SETD7: variants seen among roughly 807,000 people sequenced by gnomAD.
SETD7 encodes the protein SET domain containing 7, histone lysine methyltransferase.
In SETD7, 16 loss-of-function variants were observed where a neutral mutation model predicts 41.8. The ratio of observed to expected loss-of-function variants is 0.38; its 90% CI spans 0.26 to 0.58. SETD7 has a LOEUF of 0.58. Ranked by LOEUF, SETD7 falls within the 20% of genes least tolerant of loss-of-function variation. The pLI is 0.64. For synonymous variants in SETD7, 163 were observed against 169.7 expected (o/e 0.96, Z 0.31); for missense variants, 346 against 459.7 (o/e 0.75, Z 2.26).
intron 1 of SETD7, among the ~76,000 whole-genome samples, chr4:139,551,977 T>C (rs1244914432): frequency 1.3e-5 from 2 of 152,256 alleles, no homozygotes; most frequent in African/African-American, 4.8e-5. Context: ...ACTTGATGTT[T>C]TGATCTTTTT....
rs919195424 is a variant in SETD7 at position 139,506,735 on chromosome 4, G to A, written c.*4928C>T. On this transcript the variant is annotated 3_prime_UTR_variant, in exon 8 of 8. Coordinates refer to ENST00000274031, the MANE Select transcript of SETD7 (RefSeq NM_030648.4). ...CACTCAAGTTGAATATCATCATAAA[G>A]GAGTTTTTGTTTGTTTGTTTTTTCA... The A allele has an allele frequency of 1.3e-5, 2 of 152,606 alleles. No individual in the cohort carries two copies. The highest frequency in any genetic ancestry group is 4.8e-5 in the African/African-American group (2 of 41,448). The allele number at this position is 152,606 out of a possible 1,614,324, so 9.5% of individuals were successfully genotyped here.
intron 7 of SETD7, among the ~76,000 whole-genome samples, chr4:139,498,573 G>T (rs1726510161): frequency 6.6e-6 from 1 of 152,096 alleles, no homozygotes; most frequent in African/African-American, 2.4e-5. Flanking sequence ...CCTCCTCTTG[G>T]GAACTGTGAA....
chr4:139,536,648 G>A (rs1727644852), intron 2 of SETD7, among the ~76,000 whole-genome samples: 1 of 152,010 alleles, frequency 6.6e-6, no homozygotes, highest in African/African-American at 2.4e-5. Flanking sequence ...GGAGGCAGAG[G>A]TTGCAGTGAG....
chr4:139,526,986 C>T (rs543424741), intron 4 of SETD7, among the ~76,000 whole-genome samples: 21 of 152,214 alleles, frequency 1.4e-4, no homozygotes, highest in Admixed American at 9.8e-4. Context: ...TTCAAATATA[C>T]GACATGCATC....
At chr4:139,493,350 C>A (rs1726390161), downstream of SETD7, among the ~76,000 whole-genome samples, 1 of 152,060 alleles carries the variant, frequency 6.6e-6, no homozygotes, top group African/African-American at 2.4e-5. Flanking sequence ...AGGCCTGGAT[C>A]CAGGAAAACG....
At position 139,506,644 on chromosome 4, in the gene SETD7, A is replaced by G. The variant is rs1033769664; in HGVS notation, c.*5019T>C. 5 of 152,642 alleles carry G rather than the reference A, an allele frequency of 3.3e-5. No individual in the cohort carries two copies. The highest frequency in any genetic ancestry group is 1.2e-4 in the African/African-American group (5 of 41,458). The allele number at this position is 152,642 out of a possible 1,614,324, so 9.5% of individuals were successfully genotyped here. A position where few individuals can be genotyped will look rare whatever the true frequency, so the allele number is the denominator to read the frequency against. On this transcript the variant is annotated 3_prime_UTR_variant, in exon 8 of 8. Coordinates refer to ENST00000274031, the MANE Select transcript of SETD7 (RefSeq NM_030648.4). ...ATGTGTGTTCGTATTGCTACTATAC[A>G]CAGTGAAAATTTATCCTAATATGTA...
downstream of SETD7, among the ~76,000 whole-genome samples, chr4:139,501,677 C>G (rs1445073475): frequency 6.6e-6 from 1 of 152,090 alleles, no homozygotes; most frequent in Non-Finnish European, 1.5e-5. Context: ...CATCACATGC[C>G]TAGAAAGTGC....
chr4:139,525,050 C>T (rs561031138), intron 4 of SETD7, among the ~76,000 whole-genome samples: 47 of 152,328 alleles, frequency 3.1e-4, no homozygotes, highest in East Asian at 7.7e-4. Flanking sequence ...CTCCTGACCT[C>T]TAGTGATCCA....
intron 4 of SETD7, 63 bp from the exon 5 acceptor site, chr4:139,523,498 C>T: frequency 8.4e-7 from 1 of 1,193,148 alleles, no homozygotes; most frequent in African/African-American, 1.5e-5. Flanking sequence ...TATAACACTT[C>T]TCTCTATTCA....
At chr4:139,529,010 T>G in intron 4 of SETD7, 21 bp downstream of exon 4, 1 of 1,609,654 alleles carries the variant, frequency 6.2e-7, no homozygotes, top group East Asian at 2.2e-5. Flanking sequence ...GAGCAACCCA[T>G]CTGAAGCAGA....
chr4:139,551,043 A>G (rs1728096102), intron 1 of SETD7, among the ~76,000 whole-genome samples: 1 of 152,222 alleles, frequency 6.6e-6, no homozygotes, highest in Non-Finnish European at 1.5e-5. Context: ...AAAAGGTAGG[A>G]ACCCCCAGGT....
chr4:139,551,574 A>G (rs532711863), intron 1 of SETD7, among the ~76,000 whole-genome samples: 3 of 152,198 alleles, frequency 2.0e-5, no homozygotes, highest in African/African-American at 7.2e-5. Flanking sequence ...CAATCTCAGC[A>G]AAGTAAATTC....
At chr4:139,544,379 A>T (rs1490264071) in intron 2 of SETD7, among the ~76,000 whole-genome samples, 1 of 151,918 alleles carries the variant, frequency 6.6e-6, no homozygotes, top group Non-Finnish European at 1.5e-5. Context: ...AAAATCAATG[A>T]ATGTATTTCT....
downstream of SETD7, among the ~76,000 whole-genome samples, chr4:139,501,627 T>G (rs1579195180): frequency 6.6e-6 from 1 of 151,628 alleles, no homozygotes; most frequent in South Asian, 2.1e-4. Flanking sequence ...CCCAAATAAA[T>G]AAATAAATAA....
chr4:139,553,297 T>C (rs1430715445), intron 1 of SETD7, among the ~76,000 whole-genome samples: 1 of 152,222 alleles, frequency 6.6e-6, no homozygotes, highest in Non-Finnish European at 1.5e-5. Flanking sequence ...AAATCTCTAA[T>C]GAAGAAGAAA....
At chr4:139,519,643 T>C (rs945124537) in intron 6 of SETD7, among the ~76,000 whole-genome samples, 4 of 152,246 alleles carry the variant, frequency 2.6e-5, no homozygotes, top group African/African-American at 4.8e-5. Context: ...AAATGTGGAA[T>C]ATTAGCCATA....
chr4:139,497,313 G>A (rs990534624), intron 7 of SETD7, among the ~76,000 whole-genome samples: 31 of 152,010 alleles, frequency 2.0e-4, no homozygotes, highest in African/African-American at 7.2e-4. Flanking sequence ...AAATTAGATG[G>A]GCATGGTGGC....
rs1726840734 is a variant in SETD7 at position 139,510,546 on chromosome 4, G to A, written c.*1117C>T. Reference sequence around the variant, plus strand: ...ATGTTTTGAAGCAGGTAAGTGCTTTGAAATTACAATGATGAAGAGTTTTAG... The same window carrying A: ...ATGTTTTGAAGCAGGTAAGTGCTTTAAAATTACAATGATGAAGAGTTTTAG... On this transcript the variant is annotated 3_prime_UTR_variant, in exon 8 of 8. Transcript: ENST00000274031. 6.6e-6 allele frequency: 1 copy of A among 152,214 alleles called. No homozygotes were observed. The highest frequency in any genetic ancestry group is 6.5e-5 in the Admixed American group (1 of 15,282). The allele number at this position is 152,214 out of a possible 1,614,324, so 9.4% of individuals were successfully genotyped here. A position where few individuals can be genotyped will look rare whatever the true frequency, so the allele number is the denominator to read the frequency against.
intron 7 of SETD7, among the ~76,000 whole-genome samples, chr4:139,498,068 T>G (rs1267685648): frequency 6.6e-6 from 1 of 152,222 alleles, no homozygotes; most frequent in East Asian, 1.9e-4. Context: ...GACCGTTATT[T>G]GCACTAAGTG....
Sources: gnomAD v4.1 joint callset for allele counts (sites outside exome capture counted in the v4.1 genomes callset) on GRCh38, gnomAD v4.1.1 for gene constraint, MANE v1.5 for transcripts, NCBI Gene and HGNC (gene_info 2026-07-23, HGNC 2026-07-21) for gene names.